ZNF100: variants seen among roughly 807,000 people sequenced by gnomAD.
ZNF100 encodes the protein zinc finger protein 100 (Y1).
ZNF100 carries 12 observed loss-of-function variants against 15.8 expected under a neutral mutation model. That is an observed-to-expected ratio of 0.76 (90% CI 0.49 to 1.23). The LOEUF is 1.23. Among genes scored for constraint, ZNF100 ranks in the 50% most tolerant of loss-of-function variants. ZNF100 has a pLI of 0.00. For synonymous variants in ZNF100, 226 were observed against 214.8 expected (o/e 1.05, Z -0.45); for missense variants, 670 against 635.6 (o/e 1.05, Z -0.58).
Position 21,744,939 on chromosome 19 carries a change from A to C in ZNF100, c.223+2T>G. On this transcript the variant is annotated splice_donor_variant, in intron 3 of 4. Coordinates refer to ENST00000358296, the MANE Select transcript of ZNF100 (RefSeq NM_173531.4). LOFTEE classifies it high-confidence loss of function. ...GAAATTGTGTATTAAAGTTATTCTC[A>C]CCCAAGAAGACCAGGTTTCTGTAGT... is the stretch of plus-strand genomic sequence containing the variant. 1 of 1,601,480 alleles carries C rather than the reference A, an allele frequency of 6.2e-7. No individual in the cohort carries two copies. The highest frequency in any genetic ancestry group is 8.5e-7 in the Non-Finnish European group (1 of 1,175,610).
chr19:21,735,099 T>C (rs375748437), intron 4 of ZNF100, among the ~76,000 whole-genome samples: 22 of 151,990 alleles, frequency 1.4e-4, no homozygotes, highest in Admixed American at 4.6e-4. Flanking sequence ...GCAAAACACA[T>C]TGAAGTACAA....
chr19:21,737,520 A>C (rs1218355246), intron 4 of ZNF100, among the ~76,000 whole-genome samples: 1 of 151,300 alleles, frequency 6.6e-6, no homozygotes, highest in Non-Finnish European at 1.5e-5. Context: ...GGGGGACAAG[A>C]GTGAGACTTC....
At chr19:21,756,019 G>A (rs1051897719) in intron 2 of ZNF100, among the ~76,000 whole-genome samples, 2 of 152,058 alleles carry the variant, frequency 1.3e-5, no homozygotes, top group Non-Finnish European at 2.9e-5. Flanking sequence ...TAACAAACCT[G>A]CATGTTCTGC....
chr19:21,731,364 A>G (rs1431764638), intron 4 of ZNF100, among the ~76,000 whole-genome samples: 1 of 146,876 alleles, frequency 6.8e-6, no homozygotes, highest in Non-Finnish European at 1.5e-5. Context: ...GCTGGAGTGC[A>G]GTGGCATGAT....
intron 2 of ZNF100, among the ~76,000 whole-genome samples, chr19:21,750,185 G>A (rs778475650): frequency 2.0e-5 from 3 of 152,092 alleles, no homozygotes; most frequent in Non-Finnish European, 4.4e-5. Flanking sequence ...CCAATAACAA[G>A]TGCCAAAACT....
chr19:21,767,222 C>T (rs2036578793), intron 1 of ZNF100, among the ~76,000 whole-genome samples: 1 of 152,184 alleles, frequency 6.6e-6, no homozygotes, highest in South Asian at 2.1e-4. Context: ...GGCACAGTCA[C>T]TACGCAGGGA....
Position 21,726,769 on chromosome 19 carries a change from A to G in ZNF100, c.1543T>C (p.Trp515Arg), listed in dbSNP as rs2035795468. ...TTAAAGTCTTTACCACATTCTTCCC[A>G]TTTGTAAGATTTCTCTCCAGTATGA... ...ITHTGEKSYK[W>R]EECGKDFNQS... The change falls in exon 5 of 5, where the codon TGG (tryptophan) becomes CGG (arginine). Residue 515 changes from tryptophan (W) to arginine (R), a missense_variant. Coordinates refer to ENST00000358296, the MANE Select transcript of ZNF100 (RefSeq NM_173531.4). 1.9e-6 allele frequency: 3 copies of G among 1,613,624 alleles called. No homozygotes were observed. Among genetic ancestry groups the G allele is most frequent in the Non-Finnish European group, 2.5e-6 (3 of 1,179,744 alleles).
Position 21,738,248 on chromosome 19 carries a change from C to CAAA in ZNF100, c.322+5766_322+5768dup, listed in dbSNP as rs769582572. 7.0e-5 allele frequency among the ~76,000 whole-genome samples: 3 copies of CAAA among 42,994 alleles called. 1 individual carries two copies. Among genetic ancestry groups the CAAA allele is most frequent in the Admixed American group, 8.5e-4 (2 of 2,364 alleles). The allele number at this position is 42,994 out of a possible 152,430, so 28.2% of individuals were successfully genotyped here. On this transcript the variant is annotated intron_variant, in intron 4 of 4. Transcript: ENST00000358296. ...CCTGGGCGATAGAGTGACACTATGTCAAAAAAAAAAAAAAAAAAAAAAAAA... is the reference window on the plus strand; with the variant it reads ...CCTGGGCGATAGAGTGACACTATGTCAAAAAAAAAAAAAAAAAAAAAAAAAAAA...
Position 21,727,817 on chromosome 19 carries a change from T to C in ZNF100, c.495A>G (p.Leu165=). Reference sequence around the variant, plus strand: ...TCTGGGTAGTTATCAAACACTGGTTTAATTTGTTATCATGTTCTTTGTGCA... The same window carrying C: ...TCTGGGTAGTTATCAAACACTGGTTCAATTTGTTATCATGTTCTTTGTGCA... The part of the protein sequence containing the change: ...CKVHKEHDNK[L]NQCLITTQSN... Residue 165 remains leucine (L), a synonymous_variant, in exon 5 of 5, where the codon TTA becomes TTG. Transcript: ENST00000358296. The C allele has an allele frequency of 6.2e-7, 1 of 1,613,308 alleles. No homozygotes were observed. The highest frequency in any genetic ancestry group is 8.5e-7 in the Non-Finnish European group (1 of 1,179,740).
chr19:21,764,635 G>T (rs926650973), intron 2 of ZNF100, among the ~76,000 whole-genome samples: 139 of 149,980 alleles, frequency 9.3e-4, no homozygotes, highest in African/African-American at 3.1e-3. Context: ...ACCAGACTCC[G>T]TGTGGGGAAA....
chr19:21,733,872 T>A (rs2035964722), intron 4 of ZNF100, among the ~76,000 whole-genome samples: 1 of 152,260 alleles, frequency 6.6e-6, no homozygotes, highest in Non-Finnish European at 1.5e-5. Flanking sequence ...GGCAGTTCTC[T>A]CTGCTGTTCT....
chr19:21,736,893 T>C (rs914055208), intron 4 of ZNF100, among the ~76,000 whole-genome samples: 5 of 151,868 alleles, frequency 3.3e-5, no homozygotes, highest in Non-Finnish European at 5.9e-5. Flanking sequence ...GCAGCTAAAG[T>C]AGTGTTAAGG....
chr19:21,735,797 GA>G lies in ZNF100; in HGVS notation c.323-7809del, dbSNP rs199813166. 3.7e-3 allele frequency among the ~76,000 whole-genome samples: 567 copies of G among 152,078 alleles called. 2 individuals carry two copies. Among genetic ancestry groups the G allele is most frequent in the African/African-American group, 0.013 (548 of 41,528 alleles). Reference sequence around the variant, plus strand: ...ATTTGTTTTTATTGCTCGCTTGATTGATTTTTTTTGAGACGGAGTCTTACTC... The same window carrying G: ...ATTTGTTTTTATTGCTCGCTTGATTGTTTTTTTTGAGACGGAGTCTTACTC... On this transcript the variant is annotated intron_variant, in intron 4 of 4. Transcript: ENST00000358296.
chr19:21,767,177 G>C (rs936111394), intron 1 of ZNF100, among the ~76,000 whole-genome samples: 1 of 152,194 alleles, frequency 6.6e-6, no homozygotes. Flanking sequence ...GCGGCGCTGC[G>C]GGTGCAGAGC....
At chr19:21,747,021 CAG>C (rs1211712982) in intron 2 of ZNF100, 1 of 152,218 alleles carries the variant, frequency 6.6e-6, no homozygotes, top group African/African-American at 2.4e-5. Flanking sequence ...TCCCTTATAA[CAG>C]AGGAGATTCA....
chr19:21,754,236 C>CA (rs79087603), intron 2 of ZNF100, among the ~76,000 whole-genome samples: 24,340 of 145,864 alleles, frequency 0.17, 2,110 homozygotes, highest in Middle Eastern at 0.23. Flanking sequence ...TCTACCACCT[C>CA]AAAAAAAAAA....
rs373686177 is a variant in ZNF100, at chr19:21,727,196, A to C, written c.1116T>G (p.Pro372=). ...THKITHAGEK[P]YKCEECGKAF... ...CTTTGCCACATTCTTCACATTTGTA[A>C]GGTTTCTCTCCAGCATGAGTTATCT... Residue 372 remains proline, a synonymous_variant, in exon 5 of 5, where the codon CCT becomes CCG. Transcript: ENST00000358296. 3.7e-6 allele frequency: 6 copies of C among 1,608,212 alleles called. No individual in the cohort carries two copies. Among genetic ancestry groups the C allele is most frequent in the Non-Finnish European group, 5.1e-6 (6 of 1,178,302 alleles).
chr19:21,754,875 A>C (rs1427872970), intron 2 of ZNF100, among the ~76,000 whole-genome samples: 1 of 152,162 alleles, frequency 6.6e-6, no homozygotes, highest in Non-Finnish European at 1.5e-5. Flanking sequence ...AACAGGAGAA[A>C]ATTTTTGCAA....
In ZNF100 at chr19:21,727,792, T is replaced by C; in HGVS notation, c.520A>G (p.Ser174Gly). Residue 174 changes from serine (S) to glycine (G), a missense_variant, in exon 5 of 5, where the codon AGC becomes GGC. Physicochemically the swap from Ser to Gly is moderately conservative, Grantham distance 56 (BLOSUM62 0). Transcript: ENST00000358296. Reference protein sequence around the residue: ...KLNQCLITTQSNIFQCDPSAK... With the variant: ...KLNQCLITTQGNIFQCDPSAK... The stretch of plus-strand genomic sequence containing the variant: ...GATGGATCACATTGAAATATGTTGC[T>C]CTGGGTAGTTATCAAACACTGGTTT... The C allele has an allele frequency of 6.2e-7, 1 of 1,613,668 alleles. No individual in the cohort carries two copies. Among genetic ancestry groups the C allele is most frequent in the Non-Finnish European group, 8.5e-7 (1 of 1,179,834 alleles).
Sources: allele counts gnomAD v4.1 joint callset (sites outside exome capture counted in the v4.1 genomes callset), GRCh38; gene constraint gnomAD v4.1.1; transcripts MANE v1.5; gene names NCBI Gene and HGNC (gene_info 2026-07-23, HGNC 2026-07-21).